The following KLHL15 variants were observed in gnomAD, a reference collection of about 807,000 sequenced individuals.
KLHL15 encodes kelch-like protein 15.
Under a neutral mutation model 29.3 loss-of-function variants are expected in KLHL15, and 1 was observed. The ratio of observed to expected loss-of-function variants is 0.03; its 90% CI spans 0.01 to 0.16. KLHL15 has a LOEUF of 0.16. Among genes scored for constraint, KLHL15 ranks in the 10% least tolerant of loss-of-function variants. The pLI is 1.00. For synonymous variants in KLHL15, 212 were observed against 184.5 expected, an observed-to-expected ratio of 1.15 and a Z score of -1.21; for missense variants, 215 against 478.5, an observed-to-expected ratio of 0.45 and a Z score of 5.14.
At chrX:24,000,415 G>C (rs1397101307) in intron 3 of KLHL15, among the ~76,000 whole-genome samples, 1 of 111,363 alleles carries the variant, frequency 9.0e-6, no homozygotes, top group African/African-American at 3.3e-5. Flanking sequence ...GGAGGTTGCG[G>C]TGAGCAGAAA....
chrX:23,992,191 T>C (rs942733619), intron 3 of KLHL15, among the ~76,000 whole-genome samples: 1 of 112,164 alleles, frequency 8.9e-6, no homozygotes, highest in African/African-American at 3.2e-5. Context: ...CTTGGGCACA[T>C]AGCTCAATAT....
intron 2 of KLHL15, among the ~76,000 whole-genome samples, chrX:24,023,031 G>T (rs1929845798): frequency 9.0e-6 from 1 of 111,585 alleles, no homozygotes; most frequent in African/African-American, 3.3e-5. Context: ...CACCGCTCCC[G>T]GCTCTCAGTG....
chrX:24,008,051 TC>T (rs1331626378), intron 2 of KLHL15, among the ~76,000 whole-genome samples: 1 of 111,664 alleles, frequency 9.0e-6, no homozygotes, highest in African/African-American at 3.2e-5. Context: ...TAGTAGGTTT[TC>T]AGGAGAGGCT....
intron 3 of KLHL15, among the ~76,000 whole-genome samples, chrX:23,995,079 A>G (rs1248183243): frequency 9.0e-6 from 1 of 111,730 alleles, no homozygotes; most frequent in Non-Finnish European, 1.9e-5. Context: ...TTAACTTTGA[A>G]TACAGTTCCT....
chrX:24,012,259 T>TA (rs1929590712), intron 2 of KLHL15, among the ~76,000 whole-genome samples: 1 of 112,800 alleles, frequency 8.9e-6, no homozygotes, highest in Non-Finnish European at 1.9e-5. Flanking sequence ...GAAAGTGTAT[T>TA]ACTGCTTTTA....
At chrX:24,015,403 T>C (rs1429549117) in intron 2 of KLHL15, among the ~76,000 whole-genome samples, 1 of 112,628 alleles carries the variant, frequency 8.9e-6, no homozygotes, top group Non-Finnish European at 1.9e-5. Flanking sequence ...CTTTTAAAAC[T>C]CATCTGCGAT....
chrX:24,020,339 T>C (rs1929778007), intron 2 of KLHL15, among the ~76,000 whole-genome samples: 1 of 112,404 alleles, frequency 8.9e-6, no homozygotes. Context: ...CACTTTACTC[T>C]CAATACACTA....
chrX:24,019,556 C>T (rs1448696176), intron 2 of KLHL15, among the ~76,000 whole-genome samples: 3 of 111,018 alleles, frequency 2.7e-5, no homozygotes, highest in African/African-American at 9.8e-5. Context: ...AAGCCCGGCC[C>T]CCACTAATTT....
At chrX:23,997,754 A>AAAAATT (rs1555975594) in intron 3 of KLHL15, among the ~76,000 whole-genome samples, 2 of 67,190 alleles carry the variant, frequency 3.0e-5, no homozygotes, top group African/African-American at 9.0e-5. Flanking sequence ...AAAAAAAAAA[A>AAAAATT]TTTTTTTTTT....
chrX:24,006,712 T>C lies in KLHL15; in HGVS notation c.-7-12A>G. ...CTGCCATGAATCACCTGGAAAAAAA[T>C]CAAAGACAACAATGTTAAACACTTC... On this transcript the variant is annotated splice_polypyrimidine_tract_variant and intron_variant, in intron 2 of 3. Coordinates refer to ENST00000328046, the MANE Select transcript of KLHL15 (RefSeq NM_030624.3). 1 of 1,120,823 alleles carries C rather than the reference T, an allele frequency of 8.9e-7. No individual in the cohort carries two copies. Among genetic ancestry groups the C allele is most frequent in the Non-Finnish European group, 1.2e-6 (1 of 831,808 alleles). 92.4% of individuals were successfully genotyped at this position (1,120,823 alleles called of 1,213,427 possible).
At chrX:24,007,508 A>AATATATATATATATAT (rs759758947) in intron 2 of KLHL15, among the ~76,000 whole-genome samples, 4 of 35,919 alleles carry the variant, frequency 1.1e-4, no homozygotes, top group African/African-American at 5.9e-4. Context: ...AAAAAAAAAA[A>AATATATATATATATAT]ATATATATAT....
At chrX:24,006,722 C>A in intron 2 of KLHL15, 22 bp from the exon 3 acceptor site, 1 of 1,040,957 alleles carries the variant, frequency 9.6e-7, no homozygotes, top group Non-Finnish European at 1.3e-6. Context: ...TCAAAGACAA[C>A]AATGTTAAAC....
rs748086566 is a variant in KLHL15, at chrX:24,018,716, G to C, written c.-8+6141C>G. 3.6e-5 allele frequency among the ~76,000 whole-genome samples: 4 copies of C among 111,395 alleles called. No individual in the cohort carries two copies. The South Asian group carries it at 1.5e-3, about 42-fold the overall frequency. On this transcript the variant is annotated intron_variant, in intron 2 of 3. Coordinates refer to ENST00000328046, the MANE Select transcript of KLHL15 (RefSeq NM_030624.3). ...TCCAAATAATTTTTTTAAAGTTATT[G>C]GTCAGCCGGGCACAGTGGCTCACAT...
At chrX:24,007,503 AAAAAAATATATAT>A (rs1283717221) in intron 2 of KLHL15, among the ~76,000 whole-genome samples, 1 of 55,802 alleles carries the variant, frequency 1.8e-5, no homozygotes, top group African/African-American at 9.9e-5. Flanking sequence ...AAAAAAAAAA[AAAAAAATATATAT>A]ATATATATAT....
intron 3 of KLHL15, among the ~76,000 whole-genome samples, chrX:24,004,687 G>A (rs1444614382): frequency 9.2e-6 from 1 of 109,160 alleles, no homozygotes; most frequent in Non-Finnish European, 1.9e-5. Context: ...CTACTCGGGA[G>A]GCTGAGGCAA....
intron 2 of KLHL15, among the ~76,000 whole-genome samples, chrX:24,007,534 T>TATATAC (rs1929478719): frequency 1.1e-5 from 1 of 91,311 alleles, no homozygotes; most frequent in African/African-American, 3.8e-5. Context: ...TATATATATA[T>TATATAC]ATCAAACAAT....
intron 3 of KLHL15, among the ~76,000 whole-genome samples, chrX:24,004,930 T>A (rs1489548788): frequency 3.6e-5 from 4 of 109,701 alleles, no homozygotes; most frequent in Non-Finnish European, 5.7e-5. Context: ...GAAAAAAAAA[T>A]ATGTCAGGCT....
rs1928990785 is a variant in KLHL15 at position 23,986,643 on chromosome X, T to C, written c.*1278A>G. On this transcript the variant is annotated 3_prime_UTR_variant, in exon 4 of 4. Coordinates refer to ENST00000328046, the MANE Select transcript of KLHL15 (RefSeq NM_030624.3). ...TTACTATCCTTCATGCTAATAGCTT[T>C]CAGTAAATAAAACAAAAACTGAGGG... The C allele has an allele frequency of 8.9e-6, 1 of 112,588 alleles. No homozygotes were observed. The highest frequency in any genetic ancestry group is 1.9e-5 in the Non-Finnish European group (1 of 53,281). 9.3% of individuals were successfully genotyped at this position (112,588 alleles called of 1,213,427 possible). A position where few individuals can be genotyped will look rare whatever the true frequency, so the allele number is the denominator to read the frequency against.
rs140362232 is a variant in KLHL15, at chrX:24,015,531, G to C, written c.-7-8831C>G. Among the ~76,000 whole-genome samples, 373 of 112,493 alleles carry C rather than the reference G, an allele frequency of 3.3e-3. 1 individual carries two copies. The highest frequency in any genetic ancestry group is 0.01 in the African/African-American group (322 of 31,006). ...CACTTTTATGGTAAGCGTGTATTAAGTAGAAAACAGTGAAACACTCAGTGA... is the reference window on the plus strand; with the variant it reads ...CACTTTTATGGTAAGCGTGTATTAACTAGAAAACAGTGAAACACTCAGTGA... On this transcript the variant is annotated intron_variant, in intron 2 of 3. Coordinates refer to ENST00000328046, the MANE Select transcript of KLHL15 (RefSeq NM_030624.3).
Sources: allele counts gnomAD v4.1 joint callset (sites outside exome capture counted in the v4.1 genomes callset), GRCh38; gene constraint gnomAD v4.1.1; transcripts MANE v1.5; gene names NCBI Gene and HGNC (gene_info 2026-07-23, HGNC 2026-07-21).